Variants in RSF1 observed in about 807,000 individuals in gnomAD.
The protein encoded by RSF1 is remodeling and spacing factor 1.
RSF1 carries 13 observed loss-of-function variants against 145.2 expected under a neutral mutation model. The ratio of observed to expected loss-of-function variants is 0.09; its 90% CI spans 0.06 to 0.14. The LOEUF is 0.14. Among genes scored for constraint, RSF1 ranks in the 10% least tolerant of loss-of-function variants. The pLI is 1.00. For missense variants in RSF1, 1,517 were observed against 1,718.2 expected (o/e 0.88, Z 2.07); for synonymous variants, 577 against 592.6 (o/e 0.97, Z 0.38).
intron 11 of RSF1, among the ~76,000 whole-genome samples, chr11:77,679,907 G>A (rs1308664179): frequency 6.6e-6 from 1 of 152,128 alleles, no homozygotes; most frequent in East Asian, 1.9e-4. Flanking sequence ...CCAAAAGGAT[G>A]AAGTAACTTG....
chr11:77,858,130 C>T, the RSF1 span, among the ~76,000 whole-genome samples: 5 of 151,638 alleles, frequency 3.3e-5, no homozygotes, highest in Non-Finnish European at 7.4e-5. Context: ...GCAATCCTGT[C>T]GCGTCAGCCT....
In RSF1 at chr11:77,675,174, C is replaced by T; in HGVS notation, c.3424G>A (p.Asp1142Asn). 6.2e-7 allele frequency: 1 copy of T among 1,614,156 alleles called. No individual in the cohort carries two copies. The highest frequency in any genetic ancestry group is 8.5e-7 in the Non-Finnish European group (1 of 1,180,036). ...DPPSNDDSDT[D>N]FCSRRLRRHP... ...CGCCTCAGTCTACGGCTACAAAAGT[C>T]AGTGTCACTGTCATCATTAGATGGC... Residue 1142 changes from aspartate (D) to asparagine (N), a missense_variant, in exon 14 of 16, where the codon GAC (aspartate) becomes AAC (asparagine). Asp to Asn is a conservative substitution (Grantham distance 23). Coordinates refer to ENST00000308488, the MANE Select transcript of RSF1 (RefSeq NM_016578.4).
chr11:77,798,984 AAG>A (rs970152635), intron 1 of RSF1, among the ~76,000 whole-genome samples: 19 of 151,850 alleles, frequency 1.3e-4, no homozygotes, highest in Non-Finnish European at 2.4e-4. Context: ...AAAGAAAAAA[AAG>A]AGCCCAAAAG....
chr11:77,737,472 A>C (rs867753503), intron 4 of RSF1, among the ~76,000 whole-genome samples: 16 of 110,398 alleles, frequency 1.4e-4, no homozygotes, highest in East Asian at 2.9e-4. Context: ...AAAAACCAAA[A>C]AACAACAACA....
At chr11:77,760,958 G>A (rs1192366430) in intron 2 of RSF1, among the ~76,000 whole-genome samples, 2 of 151,866 alleles carry the variant, frequency 1.3e-5, no homozygotes, top group Non-Finnish European at 1.5e-5. Flanking sequence ...TGTCACCAGG[G>A]TGGAGTGCAG....
intron 1 of RSF1, among the ~76,000 whole-genome samples, chr11:77,818,675 A>T (rs1948805501): frequency 6.6e-6 from 1 of 152,186 alleles, no homozygotes; most frequent in Admixed American, 6.5e-5. Flanking sequence ...GCTACTCGGG[A>T]GGCTGGGGCA....
rs1161762028 is a variant in RSF1 at position 77,772,848 on chromosome 11, GAAAAAAA to G, written c.188-8166_188-8160del. ...GATGTGACAAGAGTTGCCCAAGATG[GAAAAAAA>G]AAAAAAAAAAAAAAAAGGGCCAAGA... On this transcript the variant is annotated intron_variant, in intron 1 of 15. Coordinates refer to ENST00000308488, the MANE Select transcript of RSF1 (RefSeq NM_016578.4). Among the ~76,000 whole-genome samples the G allele has an allele frequency of 1.2e-3, 101 of 85,190 alleles. 1 individual carries two copies. The highest frequency in any genetic ancestry group is 2.0e-3 in the Non-Finnish European group (91 of 46,172). The allele number at this position is 85,190 out of a possible 152,430, so 55.9% of individuals were successfully genotyped here. A position where few individuals can be genotyped will look rare whatever the true frequency, so the allele number is the denominator to read the frequency against.
the RSF1 span, chr11:77,855,334 T>G: frequency 6.6e-6 from 1 of 152,304 alleles, no homozygotes; most frequent in Non-Finnish European, 1.5e-5. Context: ...TCTTTTTTTG[T>G]TTTGAGACAG....
upstream of RSF1, among the ~76,000 whole-genome samples, chr11:77,824,891 A>T (rs889678114): frequency 6.6e-6 from 1 of 152,204 alleles, no homozygotes; most frequent in Non-Finnish European, 1.5e-5. Context: ...CCCAATTAGC[A>T]TTGGTACCAG....
At chr11:77,687,851 G>T (rs1337833776) in intron 9 of RSF1, among the ~76,000 whole-genome samples, 1 of 152,172 alleles carries the variant, frequency 6.6e-6, no homozygotes, top group Non-Finnish European at 1.5e-5. Context: ...TTTCATAATT[G>T]CAGTGGCATA....
Position 77,798,655 on chromosome 11 carries a change from AT to A in RSF1, c.187+21872del, listed in dbSNP as rs1245499629. On this transcript the variant is annotated intron_variant, in intron 1 of 15. Transcript: ENST00000308488. ...ATACACCATGGAATACTATATAGCC[AT>A]AAAAAAGGATGAGTTCATGTCTTTT... is the stretch of plus-strand genomic sequence containing the variant. 2.7e-5 allele frequency among the ~76,000 whole-genome samples: 4 copies of A among 150,210 alleles called. No homozygotes were observed. The South Asian group carries it at 8.4e-4, about 32-fold the overall frequency.
the RSF1 span, among the ~76,000 whole-genome samples, chr11:77,854,955 G>C: frequency 6.6e-6 from 1 of 152,192 alleles, no homozygotes; most frequent in East Asian, 1.9e-4. Context: ...AGCCTCAATT[G>C]TCACACTCTG....
At chr11:77,840,804 A>G in the RSF1 span, among the ~76,000 whole-genome samples, 3 of 152,044 alleles carry the variant, frequency 2.0e-5, no homozygotes, top group Non-Finnish European at 4.4e-5. Flanking sequence ...TTTAGATAAC[A>G]TATTGTAGGA....
At chr11:77,792,806 C>A (rs1460383323) in intron 1 of RSF1, among the ~76,000 whole-genome samples, 1 of 149,756 alleles carries the variant, frequency 6.7e-6, no homozygotes, top group African/African-American at 2.5e-5. Context: ...TGAGAAAAAT[C>A]TTTCCCTGAC....
chr11:77,856,450 T>A, the RSF1 span, among the ~76,000 whole-genome samples: 18 of 152,210 alleles, frequency 1.2e-4, no homozygotes, highest in African/African-American at 4.3e-4. Context: ...TGCTTCCACA[T>A]TTTTTAGTAT....
intron 1 of RSF1, among the ~76,000 whole-genome samples, chr11:77,811,931 G>T (rs111692767): frequency 0.18 from 26,888 of 151,968 alleles, 2,966 homozygotes; most frequent in African/African-American, 0.29. Flanking sequence ...CCCAGCACTT[G>T]GGGAGGCTGA....
intron 1 of RSF1, among the ~76,000 whole-genome samples, chr11:77,797,081 T>C (rs1948579518): frequency 6.6e-6 from 1 of 152,240 alleles, no homozygotes; most frequent in South Asian, 2.1e-4. Flanking sequence ...ATGGCCATAC[T>C]GCCAAAAGTA....
At chr11:77,717,698 G>A (rs1320495046) in intron 5 of RSF1, 1 of 152,154 alleles carries the variant, frequency 6.6e-6, no homozygotes, top group East Asian at 1.9e-4. Flanking sequence ...AGTTTACCAT[G>A]ACAATGCCAT....
chr11:77,681,322 T>C (rs1280972830), intron 11 of RSF1, among the ~76,000 whole-genome samples: 1 of 152,246 alleles, frequency 6.6e-6, no homozygotes, highest in African/African-American at 2.4e-5. Flanking sequence ...ATTTATACTC[T>C]ACCTAGTTCC....
Sources: gnomAD v4.1 joint callset for allele counts (sites outside exome capture counted in the v4.1 genomes callset) on GRCh38, gnomAD v4.1.1 for gene constraint, MANE v1.5 for transcripts, NCBI Gene and HGNC (gene_info 2026-07-23, HGNC 2026-07-21) for gene names.